PRKCH: variants seen among roughly 807,000 people sequenced by gnomAD.
PRKCH encodes protein kinase C eta, also known as protein kinase C eta type.
In PRKCH, 28 loss-of-function variants were observed where a neutral mutation model predicts 82.5. The observed-to-expected ratio is 0.34, with a 90% confidence interval of 0.25 to 0.47. The LOEUF (loss-of-function observed/expected upper bound fraction) is 0.47, where lower values mean the gene tolerates loss of function less well. Among genes scored for constraint, PRKCH ranks in the 20% least tolerant of loss-of-function variants. PRKCH has a pLI of 1.00. For missense variants in PRKCH, 705 were observed against 881.8 expected, an observed-to-expected ratio of 0.80 and a Z score of 2.54; for synonymous variants, 322 against 327.4, an observed-to-expected ratio of 0.98 and a Z score of 0.18.
At chr14:61,207,679 TATA>T (rs1256085085) in intron 1 of PRKCH, among the ~76,000 whole-genome samples, 1 of 152,218 alleles carries the variant, frequency 6.6e-6, no homozygotes, top group African/African-American at 2.4e-5. Context: ...AAGTTTTCTT[TATA>T]ATATTACTTT....
intron 1 of PRKCH, among the ~76,000 whole-genome samples, chr14:61,236,573 T>C (rs2044789680): frequency 6.6e-6 from 1 of 151,850 alleles, no homozygotes; most frequent in African/African-American, 2.4e-5. Context: ...CCAGGCATGG[T>C]GGCGGGAGCC....
rs1305176112 is a variant in PRKCH at position 61,322,317 on chromosome 14, T to A, written c.216T>A (p.Phe72Leu). The change falls in exon 1 of 14, where the codon TTT (phenylalanine) becomes TTA (leucine). Residue 72 changes from phenylalanine to leucine, a missense_variant. Transcript: ENST00000332981. The part of the protein sequence containing the change: ...KTNKPTYNEE[F>L]CANVTDGGHL... Reference sequence around the variant, plus strand: ...ACAAACCCACGTACAACGAGGAGTTTTGCGCTAACGTCACCGACGGCGGCC... The same window carrying A: ...ACAAACCCACGTACAACGAGGAGTTATGCGCTAACGTCACCGACGGCGGCC... 6.2e-7 allele frequency: 1 copy of A among 1,613,050 alleles called. No homozygotes were observed. The highest frequency in any genetic ancestry group is 1.3e-5 in the African/African-American group (1 of 74,622).
intron 7 of PRKCH, among the ~76,000 whole-genome samples, chr14:61,455,032 A>ATTTT (rs60420757): frequency 3.5e-5 from 5 of 142,348 alleles, no homozygotes; most frequent in African/African-American, 1.3e-4. Context: ...TTCATTGACA[A>ATTTT]TTTTTTTTTT....
chr14:61,292,555 ACCT>A (rs2045372868), intron 1 of PRKCH, among the ~76,000 whole-genome samples: 1 of 152,014 alleles, frequency 6.6e-6, no homozygotes, highest in African/African-American at 2.4e-5. Flanking sequence ...CGGGTGGATC[ACCT>A]GAGGTCAGGA....
At chr14:61,501,122 C>T (rs1050891217) in intron 10 of PRKCH, among the ~76,000 whole-genome samples, 5 of 152,200 alleles carry the variant, frequency 3.3e-5, no homozygotes, top group Non-Finnish European at 7.3e-5. Context: ...GATAACAGTA[C>T]TATCCATTCC....
At chr14:61,202,477 A>T (rs148042085) in intron 1 of PRKCH, among the ~76,000 whole-genome samples, 30 of 152,320 alleles carry the variant, frequency 2.0e-4, no homozygotes, top group Non-Finnish European at 3.4e-4. Flanking sequence ...TCTCCTGTAC[A>T]TATATAGATG....
At chr14:61,539,136 A>G (rs1414728481) in intron 12 of PRKCH, among the ~76,000 whole-genome samples, 1 of 152,224 alleles carries the variant, frequency 6.6e-6, no homozygotes, top group Non-Finnish European at 1.5e-5. Context: ...GGGCATTGGC[A>G]CAACTGCATG....
At chr14:61,547,030 G>C (rs1165017090) in intron 12 of PRKCH, among the ~76,000 whole-genome samples, 1 of 152,164 alleles carries the variant, frequency 6.6e-6, no homozygotes, top group African/African-American at 2.4e-5. Flanking sequence ...TGCACACATC[G>C]CTTAGCTGTG....
intron 10 of PRKCH, among the ~76,000 whole-genome samples, chr14:61,514,597 C>T (rs1414458066): frequency 1.3e-5 from 2 of 152,116 alleles, no homozygotes; most frequent in East Asian, 3.9e-4. Context: ...AACCAGAATC[C>T]ACCCAGCTCC....
At chr14:61,531,294 A>C (rs965349413) in intron 12 of PRKCH, among the ~76,000 whole-genome samples, 3 of 152,204 alleles carry the variant, frequency 2.0e-5, no homozygotes, top group Admixed American at 2.0e-4. Flanking sequence ...TTGAGCTCCA[A>C]AATCATGTAT....
chr14:61,332,015 C>T (rs929777623), intron 1 of PRKCH, among the ~76,000 whole-genome samples: 2 of 152,206 alleles, frequency 1.3e-5, no homozygotes, highest in Admixed American at 6.5e-5. Context: ...TTTATGCTAA[C>T]GCACTCCTTG....
At chr14:61,248,920 G>A (rs576109427) in intron 1 of PRKCH, among the ~76,000 whole-genome samples, 1 of 152,182 alleles carries the variant, frequency 6.6e-6, no homozygotes, top group Non-Finnish European at 1.5e-5. Context: ...TCATGCCTCA[G>A]CCTCCCAAGT....
intron 5 of PRKCH, among the ~76,000 whole-genome samples, chr14:61,450,191 C>T (rs936065636): frequency 1.3e-5 from 2 of 152,184 alleles, no homozygotes; most frequent in African/African-American, 2.4e-5. Flanking sequence ...GATTGCCCTA[C>T]TCCTTGTCAT....
At chr14:61,321,392 C>G (rs2045619157), upstream of PRKCH, among the ~76,000 whole-genome samples, 1 of 152,220 alleles carries the variant, frequency 6.6e-6, no homozygotes, top group Non-Finnish European at 1.5e-5. This position sits in a 1 kb window ranked among gnomAD's most constrained non-coding sequence, Gnocchi z 4.1. Flanking sequence ...TGGCCTGCGC[C>G]CGGGGTGGCC....
intron 3 of PRKCH, among the ~76,000 whole-genome samples, chr14:61,444,618 A>G (rs1012854389): frequency 6.6e-6 from 1 of 152,014 alleles, no homozygotes; most frequent in African/African-American, 2.4e-5. Context: ...TGTCACCCTC[A>G]TACTCTCTCT....
chr14:61,468,912 C>G (rs984743135), intron 9 of PRKCH, among the ~76,000 whole-genome samples: 18 of 152,132 alleles, frequency 1.2e-4, no homozygotes, highest in Admixed American at 9.2e-4. Flanking sequence ...CTGGACCCAA[C>G]TTGGAACCCT....
intron 9 of PRKCH, among the ~76,000 whole-genome samples, chr14:61,473,134 A>G (rs1885578068): frequency 6.6e-6 from 1 of 152,228 alleles, no homozygotes; most frequent in Non-Finnish European, 1.5e-5. Context: ...CAGCAGTGCA[A>G]AGGCACAGAG....
chr14:61,263,784 TC>T (rs770797944), intron 1 of PRKCH, among the ~76,000 whole-genome samples: 5 of 151,506 alleles, frequency 3.3e-5, no homozygotes, highest in Non-Finnish European at 5.9e-5. Context: ...AAGGGTCAAG[TC>T]CTCTAAAATT....
At chr14:61,453,071 A>G (rs1479321760) in intron 6 of PRKCH, among the ~76,000 whole-genome samples, 155 bp from the exon 7 acceptor site, 2 of 152,230 alleles carry the variant, frequency 1.3e-5, no homozygotes, top group African/African-American at 2.4e-5. Context: ...GTCAGGAACT[A>G]TTACTAGTGT....
Sources: gnomAD v4.1 joint callset for allele counts (sites outside exome capture counted in the v4.1 genomes callset) on GRCh38, gnomAD v4.1.1 for gene constraint, Gnocchi (gnomAD v3.1) non-coding constraint, MANE v1.5 for transcripts, NCBI Gene and HGNC (gene_info 2026-07-23, HGNC 2026-07-21) for gene names.